Variants in GLIS1 observed in about 807,000 individuals in gnomAD.
GLIS1 encodes the protein zinc finger protein GLIS1.
GLIS1 carries 24 observed loss-of-function variants against 63.8 expected under a neutral mutation model. That is an observed-to-expected ratio of 0.38 (90% CI 0.27 to 0.53). GLIS1 has a LOEUF of 0.53. Ranked by LOEUF, GLIS1 falls within the 20% of genes least tolerant of loss-of-function variation. The pLI is 0.85. For missense variants in GLIS1, 1,036 were observed against 1,074.1 expected, an observed-to-expected ratio of 0.96 and a Z score of 0.50; for synonymous variants, 450 against 482.5, an observed-to-expected ratio of 0.93 and a Z score of 0.88.
chr1:53,629,010 G>A (rs535361192), intron 2 of GLIS1, among the ~76,000 whole-genome samples: 3 of 151,996 alleles, frequency 2.0e-5, no homozygotes, highest in Non-Finnish European at 2.9e-5. Context: ...AGATCAAATC[G>A]AATCTCACCT....
chr1:53,627,222 G>A lies in GLIS1; in HGVS notation c.260-26944C>T, dbSNP rs560275968. 1.1e-3 allele frequency among the ~76,000 whole-genome samples: 172 copies of A among 152,276 alleles called. 1 individual carries two copies. Among genetic ancestry groups the A allele is most frequent in the African/African-American group, 4.0e-3 (165 of 41,538 alleles). ...AGTCCTGGGAGGGGGAGGTGTGGGC[G>A]GCCTGCACATGTGAGCCACAGATGG... On this transcript the variant is annotated intron_variant, in intron 2 of 10. Transcript: ENST00000628545.
At chr1:53,713,916 C>T (rs1037771289) in intron 2 of GLIS1, among the ~76,000 whole-genome samples, 3 of 152,242 alleles carry the variant, frequency 2.0e-5, no homozygotes, top group Admixed American at 2.0e-4. Context: ...AGGGTATAGA[C>T]AGACTGCCAC....
intron 2 of GLIS1, among the ~76,000 whole-genome samples, chr1:53,718,866 A>G (rs925288506): frequency 2.6e-5 from 4 of 152,194 alleles, no homozygotes; most frequent in African/African-American, 9.6e-5. Flanking sequence ...ACTTTTCTGT[A>G]TAATCAAACT....
chr1:53,683,019 G>A (rs917209609), intron 2 of GLIS1, among the ~76,000 whole-genome samples: 12 of 152,332 alleles, frequency 7.9e-5, no homozygotes, highest in African/African-American at 2.6e-4. Flanking sequence ...GAAATAGTGA[G>A]CAAAGGCTGC....
At chr1:53,664,967 C>T (rs1020880050) in intron 2 of GLIS1, among the ~76,000 whole-genome samples, 2 of 151,988 alleles carry the variant, frequency 1.3e-5, no homozygotes, top group South Asian at 2.1e-4. Flanking sequence ...GAGGGCAGTA[C>T]AAAATGAGGC....
intron 2 of GLIS1, among the ~76,000 whole-genome samples, chr1:53,732,720 T>C (rs1646875503): frequency 6.6e-6 from 1 of 152,018 alleles, no homozygotes; most frequent in Non-Finnish European, 1.5e-5. Context: ...TTTGTTTCTT[T>C]AAATATAAAA....
At chr1:53,654,532 C>T (rs1018158406) in intron 2 of GLIS1, among the ~76,000 whole-genome samples, 3 of 152,082 alleles carry the variant, frequency 2.0e-5, no homozygotes, top group African/African-American at 4.8e-5. Flanking sequence ...AACAAATGGG[C>T]GTTCTTCAAA....
At chr1:53,680,496 C>G (rs757576020) in intron 2 of GLIS1, among the ~76,000 whole-genome samples, 2 of 152,222 alleles carry the variant, frequency 1.3e-5, no homozygotes, top group African/African-American at 2.4e-5. Context: ...CTCTGAGCCT[C>G]TTCCTCCTCT....
intron 7 of GLIS1, among the ~76,000 whole-genome samples, chr1:53,516,704 T>C (rs1272075715): frequency 1.3e-5 from 2 of 151,734 alleles, no homozygotes; most frequent in Admixed American, 6.6e-5. Flanking sequence ...TCCCAGCTAC[T>C]TGGGAGGCTG....
At chr1:53,731,383 TG>T (rs1646859076) in intron 2 of GLIS1, among the ~76,000 whole-genome samples, 1 of 152,194 alleles carries the variant, frequency 6.6e-6, no homozygotes, top group Admixed American at 6.5e-5. Context: ...AGGGGTGCTC[TG>T]GGATGTGGCT....
chr1:53,630,839 G>T (rs930350465), intron 2 of GLIS1, among the ~76,000 whole-genome samples: 1 of 152,206 alleles, frequency 6.6e-6, no homozygotes, highest in Non-Finnish European at 1.5e-5. Context: ...AAGAGCAATA[G>T]GATTTCCTTT....
At chr1:53,688,652 G>A (rs1393397146) in intron 2 of GLIS1, 8 of 152,270 alleles carry the variant, frequency 5.3e-5, no homozygotes, top group Non-Finnish European at 1.0e-4. Context: ...GCTCCTCCAG[G>A]GCAGGCCCAC....
intron 2 of GLIS1, among the ~76,000 whole-genome samples, chr1:53,722,061 A>C (rs1359682264): frequency 6.6e-6 from 1 of 152,240 alleles, no homozygotes; most frequent in Non-Finnish European, 1.5e-5. Flanking sequence ...CTGTTTGACT[A>C]TACTAATAAT....
intron 2 of GLIS1, among the ~76,000 whole-genome samples, chr1:53,661,368 C>T (rs1646026516): frequency 6.6e-6 from 1 of 152,168 alleles, no homozygotes; most frequent in Non-Finnish European, 1.5e-5. Flanking sequence ...AAGAGGCAGG[C>T]TGGGCCCATC....
chr1:53,720,522 G>A (rs920750395), intron 2 of GLIS1, among the ~76,000 whole-genome samples: 4 of 152,150 alleles, frequency 2.6e-5, no homozygotes, highest in African/African-American at 9.7e-5. Context: ...AAAAAGAAGA[G>A]AAGTTGGTTA....
chr1:53,704,445 C>T (rs559469919), intron 2 of GLIS1, among the ~76,000 whole-genome samples: 3 of 152,330 alleles, frequency 2.0e-5, no homozygotes, highest in African/African-American at 7.2e-5. Flanking sequence ...TGAGCCAGTC[C>T]CTGACCTCAG....
chr1:53,671,878 A>G, intron 2 of GLIS1, among the ~76,000 whole-genome samples: 1 of 152,318 alleles, frequency 6.6e-6, no homozygotes, highest in East Asian at 1.9e-4. Context: ...ACCCAGATCT[A>G]CCCAACTCCA....
intron 4 of GLIS1, among the ~76,000 whole-genome samples, chr1:53,581,424 C>T (rs1476990797): frequency 1.3e-5 from 2 of 152,226 alleles, no homozygotes; most frequent in Non-Finnish European, 2.9e-5. Context: ...CTGAACCACT[C>T]TCCCCCTTTT....
intron 2 of GLIS1, among the ~76,000 whole-genome samples, chr1:53,652,123 T>C (rs1262130056): frequency 1.3e-5 from 2 of 152,224 alleles, no homozygotes; most frequent in Non-Finnish European, 2.9e-5. Flanking sequence ...ATGCACTTCC[T>C]AGCTCAGTGT....
Sources: gnomAD v4.1 joint callset for allele counts (sites outside exome capture counted in the v4.1 genomes callset) on GRCh38, gnomAD v4.1.1 for gene constraint, MANE v1.5 for transcripts, NCBI Gene and HGNC (gene_info 2026-07-23, HGNC 2026-07-21) for gene names.